The following MDFIC2 variants were observed in gnomAD, a reference collection of about 807,000 sequenced individuals.
MDFIC2 encodes the protein MyoD family inhibitor domain containing 2, also known as myoD family inhibitor domain-containing protein 2.
At chr3:70,217,689 A>G (rs746680151) in intron 2 of MDFIC2, among the ~76,000 whole-genome samples, 15 of 152,178 alleles carry the variant, frequency 9.9e-5, no homozygotes, top group Non-Finnish European at 1.6e-4. Context: ...TGGTAATCTG[A>G]AATCTCTTGC....
chr3:70,296,715 C>T (rs756004086), intron 2 of MDFIC2, among the ~76,000 whole-genome samples: 8 of 152,058 alleles, frequency 5.3e-5, no homozygotes, highest in Admixed American at 1.3e-4. Flanking sequence ...AACTTCTTTT[C>T]TTCATTCACA....
At chr3:70,266,348 A>G (rs1307053687) in intron 2 of MDFIC2, among the ~76,000 whole-genome samples, 1 of 152,110 alleles carries the variant, frequency 6.6e-6, no homozygotes, top group Non-Finnish European at 1.5e-5. Context: ...GTTATTAAAT[A>G]TAAACATTTT....
At chr3:70,252,863 T>C (rs1174072639) in intron 2 of MDFIC2, among the ~76,000 whole-genome samples, 2 of 151,818 alleles carry the variant, frequency 1.3e-5, no homozygotes, top group Non-Finnish European at 2.9e-5. Flanking sequence ...GCAGATCACC[T>C]GAGGTCAGGA....
At chr3:70,277,611 A>G (rs1201964145) in intron 2 of MDFIC2, among the ~76,000 whole-genome samples, 1 of 152,208 alleles carries the variant, frequency 6.6e-6, no homozygotes, top group African/African-American at 2.4e-5. Flanking sequence ...GTCATACTTC[A>G]AAACTGCTAC....
intron 2 of MDFIC2, among the ~76,000 whole-genome samples, chr3:70,238,199 C>A (rs1410491862): frequency 6.6e-6 from 1 of 151,716 alleles, no homozygotes; most frequent in African/African-American, 2.4e-5. Context: ...CCAATCCAGG[C>A]GTTCCCTGAC....
intron 2 of MDFIC2, among the ~76,000 whole-genome samples, chr3:70,264,927 G>T (rs1357233992): frequency 1.3e-5 from 2 of 152,136 alleles, no homozygotes; most frequent in African/African-American, 4.8e-5. Flanking sequence ...CACATGGCTG[G>T]GGATGCCTCA....
At chr3:70,291,233 A>C (rs1702236412) in intron 2 of MDFIC2, 1 of 152,160 alleles carries the variant, frequency 6.6e-6, no homozygotes, top group African/African-American at 2.4e-5. Context: ...CCTACCAGCT[A>C]TTGACCTCAG....
chr3:70,250,481 G>T (rs1295284275), intron 2 of MDFIC2, among the ~76,000 whole-genome samples: 1 of 150,772 alleles, frequency 6.6e-6, no homozygotes, highest in Admixed American at 6.6e-5. Flanking sequence ...TTTCCAACGA[G>T]ATGTAAATCA....
At chr3:70,233,646 A>G (rs1701582023) in intron 2 of MDFIC2, among the ~76,000 whole-genome samples, 1 of 152,076 alleles carries the variant, frequency 6.6e-6, no homozygotes, top group South Asian at 2.1e-4. Flanking sequence ...TTTGTAATCC[A>G]TGCATCCCTC....
chr3:70,235,948 A>G (rs1701605015), intron 2 of MDFIC2, among the ~76,000 whole-genome samples: 2 of 152,110 alleles, frequency 1.3e-5, no homozygotes. Flanking sequence ...CATTTTTCCC[A>G]CCATCATGAT....
chr3:70,303,976 C>T (rs900130634), intron 2 of MDFIC2, among the ~76,000 whole-genome samples: 1 of 152,198 alleles, frequency 6.6e-6, no homozygotes, highest in African/African-American at 2.4e-5. Context: ...AGCCATCATG[C>T]CCAGCCTGAT....
At chr3:70,259,587 T>C (rs866896197) in intron 2 of MDFIC2, among the ~76,000 whole-genome samples, 1 of 152,126 alleles carries the variant, frequency 6.6e-6, no homozygotes, top group Non-Finnish European at 1.5e-5. Context: ...TTTAATTTAC[T>C]CCTCCAAATT....
At chr3:70,244,363 A>G (rs528162182) in intron 2 of MDFIC2, among the ~76,000 whole-genome samples, 6 of 152,294 alleles carry the variant, frequency 3.9e-5, no homozygotes, top group Admixed American at 6.5e-5. Flanking sequence ...AGTTACATCT[A>G]TTATATTTAA....
At chr3:70,271,162 C>T (rs1316127965) in intron 2 of MDFIC2, among the ~76,000 whole-genome samples, 1 of 151,920 alleles carries the variant, frequency 6.6e-6, no homozygotes, top group Non-Finnish European at 1.5e-5. Flanking sequence ...TAAAAGTATG[C>T]CAAAAACAGT....
At chr3:70,250,767 T>C (rs1245301892) in intron 2 of MDFIC2, among the ~76,000 whole-genome samples, 2 of 152,206 alleles carry the variant, frequency 1.3e-5, no homozygotes, top group East Asian at 3.8e-4. Context: ...TAAGAAAATA[T>C]TGTGTTCTCT....
At chr3:70,210,137 C>T (rs1305618272) in intron 2 of MDFIC2, among the ~76,000 whole-genome samples, 2 of 151,992 alleles carry the variant, frequency 1.3e-5, no homozygotes, top group Non-Finnish European at 2.9e-5. Flanking sequence ...GAACATGCGG[C>T]GAATACAGTA....
intron 2 of MDFIC2, among the ~76,000 whole-genome samples, chr3:70,280,466 G>A (rs1458488164): frequency 1.3e-5 from 2 of 152,092 alleles, no homozygotes; most frequent in African/African-American, 4.8e-5. Flanking sequence ...CTCAAATAAG[G>A]CATCAATACT....
intron 2 of MDFIC2, among the ~76,000 whole-genome samples, chr3:70,277,334 T>C (rs1340559366): frequency 6.6e-6 from 1 of 152,214 alleles, no homozygotes; most frequent in African/African-American, 2.4e-5. Flanking sequence ...AAAACTTATG[T>C]AAACGGAAAT....
chr3:70,265,724 A>G (rs1180046376), intron 2 of MDFIC2, among the ~76,000 whole-genome samples: 1 of 152,220 alleles, frequency 6.6e-6, no homozygotes, highest in Non-Finnish European at 1.5e-5. Flanking sequence ...TTTACAAAGA[A>G]AAAAGGTTTA....
Sources: allele counts gnomAD v4.1 joint callset (sites outside exome capture counted in the v4.1 genomes callset), GRCh38; gene constraint gnomAD v4.1.1; transcripts MANE v1.5; gene names NCBI Gene and HGNC (gene_info 2026-07-23, HGNC 2026-07-21).